Variants in FBXL13 observed in about 807,000 individuals in gnomAD.
FBXL13 encodes F-box and leucine rich repeat protein 13.
In FBXL13, 67 loss-of-function variants were observed where a neutral mutation model predicts 83.6. That is an observed-to-expected ratio of 0.80 (90% CI 0.66 to 0.98). The LOEUF (loss-of-function observed/expected upper bound fraction) is 0.98, where lower values mean the gene tolerates loss of function less well. Ranked by LOEUF, FBXL13 falls within the 50% of genes least tolerant of loss-of-function variation. FBXL13 has a pLI of 0.00. For missense variants in FBXL13, 822 were observed against 866.5 expected (o/e 0.95, Z 0.64); for synonymous variants, 272 against 299.5 (o/e 0.91, Z 0.95).
chr7:103,036,482 A>AT (rs936428171), intron 2 of FBXL13, among the ~76,000 whole-genome samples: 2 of 151,924 alleles, frequency 1.3e-5, no homozygotes, highest in African/African-American at 4.8e-5. Flanking sequence ...ATGATGAGTC[A>AT]TTTTTCTTAT....
chr7:102,903,304 AG>A (rs897190812), intron 11 of FBXL13, among the ~76,000 whole-genome samples: 5 of 152,102 alleles, frequency 3.3e-5, no homozygotes, highest in African/African-American at 4.8e-5. Flanking sequence ...CAGTTCTAAT[AG>A]TTTTCTTGTG....
intron 2 of FBXL13, among the ~76,000 whole-genome samples, chr7:103,052,506 C>G (rs1796917408): frequency 6.6e-6 from 1 of 152,184 alleles, no homozygotes; most frequent in South Asian, 2.1e-4. Flanking sequence ...TGGATCCAAC[C>G]TAGGTTGAGC....
intron 10 of FBXL13, among the ~76,000 whole-genome samples, chr7:102,915,521 C>A (rs1408053691): frequency 1.3e-5 from 2 of 152,038 alleles, no homozygotes; most frequent in Non-Finnish European, 2.9e-5. Flanking sequence ...TATTCAATTT[C>A]TTTAAATCCA....
chr7:103,030,774 T>C (rs892788278), intron 2 of FBXL13, among the ~76,000 whole-genome samples: 3 of 152,184 alleles, frequency 2.0e-5, no homozygotes, highest in Non-Finnish European at 4.4e-5. Flanking sequence ...ATCAACTCTT[T>C]AAAACAGCAT....
At chr7:102,921,410 T>C (rs1245514810) in intron 10 of FBXL13, among the ~76,000 whole-genome samples, 1 of 152,178 alleles carries the variant, frequency 6.6e-6, no homozygotes, top group Non-Finnish European at 1.5e-5. Flanking sequence ...CCGGGCACAG[T>C]GGCTCATGCC....
intron 8 of FBXL13, among the ~76,000 whole-genome samples, chr7:102,953,988 C>A (rs954818583): frequency 6.6e-6 from 1 of 152,114 alleles, no homozygotes; most frequent in Non-Finnish European, 1.5e-5. Flanking sequence ...AGGAACAGCT[C>A]CGGTCTGCAG....
intron 8 of FBXL13, among the ~76,000 whole-genome samples, chr7:102,956,218 G>A (rs529253950): frequency 1.3e-5 from 2 of 152,222 alleles, no homozygotes; most frequent in South Asian, 4.1e-4. Flanking sequence ...GGAATGCAAG[G>A]CTGGTTCAAC....
chr7:103,046,422 T>C (rs546052831), intron 2 of FBXL13, among the ~76,000 whole-genome samples: 194 of 152,366 alleles, frequency 1.3e-3, no homozygotes, highest in Non-Finnish European at 2.1e-3. Context: ...TAACAAATGA[T>C]GTCCTTCTAG....
intron 8 of FBXL13, among the ~76,000 whole-genome samples, chr7:102,953,312 G>A (rs1455849360): frequency 4.0e-5 from 6 of 151,650 alleles, no homozygotes; most frequent in African/African-American, 9.7e-5. Context: ...CATGATGTAC[G>A]AACAAGCAAG....
chr7:102,896,431 T>C (rs1447101030), intron 11 of FBXL13, among the ~76,000 whole-genome samples: 1 of 152,192 alleles, frequency 6.6e-6, no homozygotes, highest in Non-Finnish European at 1.5e-5. Context: ...TCTGCAGGAA[T>C]AGTCAACTGC....
intron 18 of FBXL13, among the ~76,000 whole-genome samples, chr7:102,828,917 G>T (rs1219278749): frequency 6.6e-6 from 1 of 152,098 alleles, no homozygotes; most frequent in Non-Finnish European, 1.5e-5. Context: ...GTAGCCTTGG[G>T]CACACCCAGT....
intron 16 of FBXL13, among the ~76,000 whole-genome samples, chr7:102,875,195 C>T (rs117428890): frequency 6.6e-6 from 1 of 152,180 alleles, no homozygotes; most frequent in African/African-American, 2.4e-5. Flanking sequence ...GGCCTTTAAG[C>T]TTCAAAAGCC....
chr7:102,995,857 T>A (rs1442273806), intron 6 of FBXL13, among the ~76,000 whole-genome samples: 1 of 152,032 alleles, frequency 6.6e-6, no homozygotes, highest in Non-Finnish European at 1.5e-5. Flanking sequence ...CAGAAAGTAA[T>A]CTTTAAAATG....
At chr7:103,011,373 G>A (rs944228365) in intron 6 of FBXL13, among the ~76,000 whole-genome samples, 3 of 152,118 alleles carry the variant, frequency 2.0e-5, no homozygotes, top group African/African-American at 2.4e-5. Context: ...GGTGGCTCAC[G>A]CCTGTAATCC....
intron 10 of FBXL13, 129 bp from the exon 12 acceptor site, chr7:102,913,344 T>C: frequency 9.2e-7 from 1 of 1,083,374 alleles, no homozygotes; most frequent in South Asian, 1.6e-5. Context: ...CATTTAACTT[T>C]ACTGTTAACT....
At chr7:102,855,668 C>T (rs576257067) in intron 16 of FBXL13, among the ~76,000 whole-genome samples, 6 of 151,756 alleles carry the variant, frequency 4.0e-5, no homozygotes, top group East Asian at 3.9e-4. Flanking sequence ...CCTCACCTGC[C>T]GCCATTCTAT....
chr7:102,826,807 A>C (rs1584464983), intron 18 of FBXL13, among the ~76,000 whole-genome samples: 1 of 134,554 alleles, frequency 7.4e-6, no homozygotes, highest in Non-Finnish European at 1.6e-5. Flanking sequence ...TATATATCTA[A>C]TAAATGTATC....
At chr7:103,006,927 A>G (rs1243922507) in intron 6 of FBXL13, among the ~76,000 whole-genome samples, 2 of 152,170 alleles carry the variant, frequency 1.3e-5, no homozygotes, top group African/African-American at 4.8e-5. Context: ...CTAGAGATCA[A>G]TACAATATCT....
rs375836621 is a variant in FBXL13 at position 103,027,415 on chromosome 7, C to A, written c.327+34G>T. The A allele has an allele frequency of 5.6e-6, 8 of 1,436,580 alleles. No individual in the cohort carries two copies. The African/African-American group carries it at 9.9e-5, about 18-fold the overall frequency. The allele number at this position is 1,436,580 out of a possible 1,614,324, so 89.0% of individuals were successfully genotyped here. A position where few individuals can be genotyped will look rare whatever the true frequency, so the allele number is the denominator to read the frequency against. The stretch of plus-strand genomic sequence containing the variant: ...GCAACATGAATATAACTGAAACATT[C>A]GGATTCTTAAAAAATTGTTTCAATA... On this transcript the variant is annotated intron_variant, in intron 5 of 19. Coordinates refer to ENST00000313221, the Ensembl canonical transcript of FBXL13.
Sources: allele counts gnomAD v4.1 joint callset (sites outside exome capture counted in the v4.1 genomes callset), GRCh38; gene constraint gnomAD v4.1.1; transcripts MANE v1.5; gene names NCBI Gene and HGNC (gene_info 2026-07-23, HGNC 2026-07-21).